The following RHOBTB1 variants were observed in gnomAD, a reference collection of about 807,000 sequenced individuals.
RHOBTB1 encodes rho-related BTB domain-containing protein 1.
In RHOBTB1, 40 loss-of-function variants were observed where a neutral mutation model predicts 71.6. The observed-to-expected ratio is 0.56, with a 90% CI of 0.43 to 0.73. The LOEUF is 0.73. RHOBTB1 is among the 30% of genes least tolerant of loss of function. The pLI, the probability that RHOBTB1 is intolerant of heterozygous loss-of-function variation, is 0.00. For synonymous variants in RHOBTB1, 319 were observed against 334.9 expected (o/e 0.95, Z 0.52); for missense variants, 797 against 894.0 (o/e 0.89, Z 1.38).
upstream of RHOBTB1, among the ~76,000 whole-genome samples, chr10:60,947,548 A>G (rs2085278581): frequency 6.6e-6 from 1 of 152,120 alleles, no homozygotes; most frequent in Non-Finnish European, 1.5e-5. Flanking sequence ...TGTTATATTA[A>G]TCGGAACATA....
At chr10:60,956,252 A>T (rs552886973) in intron 2 of RHOBTB1, among the ~76,000 whole-genome samples, 1 of 152,182 alleles carries the variant, frequency 6.6e-6, no homozygotes, top group African/African-American at 2.4e-5. Flanking sequence ...TACAGTAAAA[A>T]TATGAATAAA....
intron 4 of RHOBTB1, among the ~76,000 whole-genome samples, chr10:60,900,325 C>T (rs774072875): frequency 3.3e-5 from 5 of 152,016 alleles, no homozygotes; most frequent in Non-Finnish European, 5.9e-5. Context: ...GGAGGGGTCC[C>T]CTACAGGTGG....
chr10:60,913,396 C>T (rs763511166), intron 2 of RHOBTB1, among the ~76,000 whole-genome samples: 12 of 152,150 alleles, frequency 7.9e-5, no homozygotes, highest in Non-Finnish European at 1.5e-4. Flanking sequence ...CCTGAACATC[C>T]TGGGTGGGGA....
At chr10:60,931,904 T>C (rs916930995) in intron 2 of RHOBTB1, among the ~76,000 whole-genome samples, 1 of 152,208 alleles carries the variant, frequency 6.6e-6, no homozygotes, top group Non-Finnish European at 1.5e-5. Flanking sequence ...GAAAAATTCT[T>C]GGCTTTGAAA....
intron 2 of RHOBTB1, among the ~76,000 whole-genome samples, chr10:60,976,780 ACTTT>A (rs2086330839): frequency 6.6e-6 from 1 of 152,116 alleles, no homozygotes; most frequent in African/African-American, 2.4e-5. Context: ...ACATCAGAGC[ACTTT>A]CTGGATTTGT....
intron 2 of RHOBTB1, among the ~76,000 whole-genome samples, chr10:60,983,630 G>A (rs2086572631): frequency 6.6e-6 from 1 of 151,932 alleles, no homozygotes; most frequent in Non-Finnish European, 1.5e-5. Flanking sequence ...TTACATCTTT[G>A]CAAAGAGGAA....
chr10:60,947,465 C>T (rs557473904), upstream of RHOBTB1, among the ~76,000 whole-genome samples: 12 of 152,204 alleles, frequency 7.9e-5, no homozygotes, highest in Non-Finnish European at 1.5e-4. Flanking sequence ...CTCATACTAC[C>T]TCTTCATATT....
chr10:60,877,501 CTCTGTCA>C (rs1415405839), intron 8 of RHOBTB1, among the ~76,000 whole-genome samples: 2 of 152,228 alleles, frequency 1.3e-5, no homozygotes, highest in Admixed American at 6.5e-5. Flanking sequence ...GGCAATCTGG[CTCTGTCA>C]TCTGTTTTCC....
intron 4 of RHOBTB1, among the ~76,000 whole-genome samples, chr10:60,894,737 A>T (rs949976766): frequency 6.6e-6 from 1 of 152,232 alleles, no homozygotes; most frequent in African/African-American, 2.4e-5. Context: ...GTTCAAAATT[A>T]TACAAAAAGA....
chr10:60,867,071 T>C (rs1270129672), downstream of RHOBTB1, among the ~76,000 whole-genome samples: 1 of 152,202 alleles, frequency 6.6e-6, no homozygotes, highest in Admixed American at 6.5e-5. Context: ...ACTTGGCATA[T>C]GGGTGCCTTA....
chr10:60,969,997 C>T (rs949616069), intron 2 of RHOBTB1, among the ~76,000 whole-genome samples: 1 of 152,032 alleles, frequency 6.6e-6, no homozygotes, highest in Non-Finnish European at 1.5e-5. Flanking sequence ...ACTGGGCCAA[C>T]CGTTTGATTG....
intron 4 of RHOBTB1, among the ~76,000 whole-genome samples, chr10:60,903,594 C>T (rs1263579814): frequency 1.3e-5 from 2 of 152,006 alleles, no homozygotes; most frequent in Admixed American, 6.6e-5. Context: ...ATTTGGCTAT[C>T]ACAGGGTATC....
rs999706509 is a variant in RHOBTB1 at position 60,914,835 on chromosome 10, A to G, written c.-10-3283T>C. On this transcript the variant is annotated intron_variant, in intron 2 of 10. Coordinates refer to ENST00000337910, the MANE Select transcript of RHOBTB1 (RefSeq NM_014836.5). ...TGTGTCAAAGGTGAGAATAACATCT[A>G]TGGGTCCTCTAATCCCTAGCAGTCC... 1.3e-5 allele frequency among the ~76,000 whole-genome samples: 2 copies of G among 152,210 alleles called. 1 individual carries two copies. The highest frequency in any genetic ancestry group is 1.3e-4 in the Admixed American group (2 of 15,282).
In RHOBTB1 at chr10:60,888,553, G is replaced by C; in HGVS notation, c.1115C>G (p.Thr372Ser). The change falls in exon 6 of 11, where the codon ACC becomes AGC. Residue 372 changes from threonine (T) to serine (S), a missense_variant. Physicochemically the swap from Thr to Ser is moderately conservative, Grantham distance 58. Around this residue, in one of 2 missense-constraint regions of RHOBTB1, gnomAD observed 658 missense variants for 681.5 expected, o/e 0.97. Transcript: ENST00000337910. The part of the protein sequence containing the change: ...EGAVPETQTL[T>S]GWSKGFIGMH... The stretch of plus-strand genomic sequence containing the variant: ...GCCAATGAACCCCTTACTCCATCCG[G>C]TCAAAGTCTGTGTCTCAGGAACTGC... 6.2e-7 allele frequency: 1 copy of C among 1,614,134 alleles called. No individual in the cohort carries two copies. The highest frequency in any genetic ancestry group is 8.5e-7 in the Non-Finnish European group (1 of 1,180,022).
chr10:60,879,968 C>T (rs1198310223), intron 7 of RHOBTB1, among the ~76,000 whole-genome samples: 2 of 152,102 alleles, frequency 1.3e-5, no homozygotes, highest in African/African-American at 4.8e-5. Context: ...TCATTATTCC[C>T]TAAACAGTAA....
At chr10:60,879,559 G>A (rs1051858521) in intron 7 of RHOBTB1, among the ~76,000 whole-genome samples, 1 of 151,386 alleles carries the variant, frequency 6.6e-6, no homozygotes, top group African/African-American at 2.4e-5. Flanking sequence ...TGCCTAGGCT[G>A]GTCTCAAACT....
chr10:60,862,166 CTCTT>C, the RHOBTB1 span, among the ~76,000 whole-genome samples: 17 of 150,418 alleles, frequency 1.1e-4, no homozygotes, highest in African/African-American at 3.4e-4. Context: ...TTTCCTCTCT[CTCTT>C]TCTTTCTTTT....
At chr10:60,984,677 C>T (rs992277109) in intron 2 of RHOBTB1, among the ~76,000 whole-genome samples, 20 of 152,150 alleles carry the variant, frequency 1.3e-4, no homozygotes, top group African/African-American at 4.6e-4. Context: ...TATTTATGCA[C>T]ACATGGTAAT....
chr10:60,981,159 C>T (rs12413712), intron 2 of RHOBTB1, among the ~76,000 whole-genome samples: 81,822 of 151,474 alleles, frequency 0.54, 22,337 homozygotes, highest in East Asian at 0.77. Flanking sequence ...GTAACAAATG[C>T]CATTTGAAGT....
Sources: allele counts gnomAD v4.1 joint callset (sites outside exome capture counted in the v4.1 genomes callset), GRCh38; gene constraint gnomAD v4.1.1; regional missense constraint gnomAD v4.1.1; transcripts MANE v1.5; gene names NCBI Gene and HGNC (gene_info 2026-07-23, HGNC 2026-07-21).